Variants in LUZP2 observed in about 807,000 individuals in gnomAD.
LUZP2 encodes the protein leucine zipper protein 2.
A neutral mutation model predicts 51.6 loss-of-function variants in LUZP2; 52 were observed. The ratio of observed to expected loss-of-function variants is 1.01; its 90% CI spans 0.81 to 1.27. The LOEUF is 1.27. Ranked by LOEUF, LUZP2 falls within the 50% of genes most tolerant of loss-of-function variation. LUZP2 has a pLI of 0.00. For synonymous variants in LUZP2, 154 were observed against 137.3 expected (o/e 1.12, Z -0.85); for missense variants, 436 against 395.4 (o/e 1.10, Z -0.87).
chr11:24,675,853 C>T (rs1590332991), intron 1 of LUZP2, among the ~76,000 whole-genome samples: 1 of 151,416 alleles, frequency 6.6e-6, no homozygotes, highest in South Asian at 2.1e-4. Flanking sequence ...GAGTCTCGCT[C>T]TGTTGCCCAG....
intron 4 of LUZP2, among the ~76,000 whole-genome samples, chr11:24,755,320 C>T (rs1859734428): frequency 6.6e-6 from 1 of 152,150 alleles, no homozygotes; most frequent in African/African-American, 2.4e-5. Context: ...CCTTCTCCCA[C>T]ATTGACCACC....
At chr11:24,846,907 A>G (rs906401846) in intron 5 of LUZP2, among the ~76,000 whole-genome samples, 1 of 151,802 alleles carries the variant, frequency 6.6e-6, no homozygotes, top group Non-Finnish European at 1.5e-5. Context: ...GCATATATAC[A>G]TGTATATACA....
chr11:24,710,467 G>A (rs1366371588), intron 1 of LUZP2, among the ~76,000 whole-genome samples: 1 of 152,104 alleles, frequency 6.6e-6, no homozygotes, highest in African/African-American at 2.4e-5. Flanking sequence ...AGTGAAATGG[G>A]TTTCTGTATA....
chr11:24,904,902 A>C (rs1853400114), intron 5 of LUZP2, among the ~76,000 whole-genome samples: 1 of 152,232 alleles, frequency 6.6e-6, no homozygotes, highest in Admixed American at 6.5e-5. Flanking sequence ...CATAGACTGA[A>C]AGTGAAGGGA....
intron 1 of LUZP2, among the ~76,000 whole-genome samples, chr11:24,633,577 G>A (rs1035430880): frequency 6.6e-6 from 1 of 151,742 alleles, no homozygotes; most frequent in Non-Finnish European, 1.5e-5. Flanking sequence ...AATTCTTGAA[G>A]GTATAAGCTC....
intron 5 of LUZP2, among the ~76,000 whole-genome samples, chr11:24,766,427 T>C (rs919163774): frequency 6.6e-6 from 1 of 152,170 alleles, no homozygotes; most frequent in African/African-American, 2.4e-5. Flanking sequence ...GAAATTGTTA[T>C]CAATACAAGG....
chr11:24,939,740 T>A (rs1354324707), intron 7 of LUZP2, among the ~76,000 whole-genome samples: 1 of 152,202 alleles, frequency 6.6e-6, no homozygotes, highest in Non-Finnish European at 1.5e-5. Flanking sequence ...GGAGATAGGC[T>A]GATGTCAAAT....
At chr11:24,879,688 C>G (rs1397318703) in intron 5 of LUZP2, among the ~76,000 whole-genome samples, 3 of 151,950 alleles carry the variant, frequency 2.0e-5, no homozygotes, top group African/African-American at 7.3e-5. Context: ...AGCTTTTTTT[C>G]CATATGTTTG....
chr11:24,974,859 A>G (rs1161108887), intron 7 of LUZP2, among the ~76,000 whole-genome samples: 3 of 152,050 alleles, frequency 2.0e-5, no homozygotes, highest in Admixed American at 2.0e-4. Context: ...AGAAAGATTG[A>G]GAAGGAGAAA....
chr11:24,835,162 A>C (rs896322087), intron 5 of LUZP2, among the ~76,000 whole-genome samples: 1 of 152,146 alleles, frequency 6.6e-6, no homozygotes, highest in African/African-American at 2.4e-5. Context: ...CCACACATCT[A>C]TAACCATCTG....
At chr11:25,064,633 C>G (rs1858946026) in intron 10 of LUZP2, among the ~76,000 whole-genome samples, 1 of 149,850 alleles carries the variant, frequency 6.7e-6, no homozygotes, top group African/African-American at 2.5e-5. Flanking sequence ...GTGACCGAAC[C>G]CATCCATTTC....
chr11:25,000,048 A>G (rs12808998), intron 9 of LUZP2, among the ~76,000 whole-genome samples: 3 of 150,912 alleles, frequency 2.0e-5, no homozygotes, highest in East Asian at 2.0e-4. Context: ...GCACTGATTG[A>G]TCCATTTTAC....
chr11:24,627,392 T>C (rs1373514666), intron 1 of LUZP2, among the ~76,000 whole-genome samples: 1 of 152,152 alleles, frequency 6.6e-6, no homozygotes, highest in Non-Finnish European at 1.5e-5. Flanking sequence ...TCAGGCACTG[T>C]TGTGGGGGAC....
intron 7 of LUZP2, among the ~76,000 whole-genome samples, chr11:24,957,425 A>C (rs1472777293): frequency 6.6e-6 from 1 of 151,984 alleles, no homozygotes; most frequent in Non-Finnish European, 1.5e-5. Context: ...TACTATATTC[A>C]TCATATTGTG....
At chr11:24,870,148 A>C (rs2134264681) in intron 5 of LUZP2, among the ~76,000 whole-genome samples, 1 of 152,292 alleles carries the variant, frequency 6.6e-6, no homozygotes, top group South Asian at 2.1e-4. Flanking sequence ...AAGGCTGAGA[A>C]AGATAATGAA....
chr11:24,610,816 G>A (rs774541682), intron 1 of LUZP2, among the ~76,000 whole-genome samples: 6 of 152,044 alleles, frequency 3.9e-5, no homozygotes, highest in East Asian at 1.9e-4. Context: ...GTGGGGGCAC[G>A]TGCCTGTAGT....
chr11:24,885,316 A>G (rs1310447121), intron 5 of LUZP2, among the ~76,000 whole-genome samples: 1 of 152,140 alleles, frequency 6.6e-6, no homozygotes, highest in East Asian at 1.9e-4. Context: ...GCTAAAATGT[A>G]TCGAGTGCTT....
At chr11:24,800,088 C>T (rs1161732772) in intron 5 of LUZP2, among the ~76,000 whole-genome samples, 1 of 152,080 alleles carries the variant, frequency 6.6e-6, no homozygotes, top group Non-Finnish European at 1.5e-5. Flanking sequence ...CCTTTGTCTT[C>T]CTCCCCATAA....
chr11:24,838,283 C>T (rs1394013643), intron 5 of LUZP2, among the ~76,000 whole-genome samples: 1 of 151,572 alleles, frequency 6.6e-6, no homozygotes, highest in Admixed American at 6.6e-5. Context: ...GGCATCTAGT[C>T]TTTTAATAAA....
Sources: allele counts gnomAD v4.1 joint callset (sites outside exome capture counted in the v4.1 genomes callset), GRCh38; gene constraint gnomAD v4.1.1; transcripts MANE v1.5; gene names NCBI Gene and HGNC (gene_info 2026-07-23, HGNC 2026-07-21).